TFPI: variants seen among roughly 807,000 people sequenced by gnomAD.
The protein encoded by TFPI is tissue factor pathway inhibitor, also known as anti-convertin.
TFPI carries 15 observed loss-of-function variants against 34.6 expected under a neutral mutation model. The observed-to-expected ratio is 0.43, with a 90% CI of 0.29 to 0.67. The LOEUF is 0.67. Ranked by LOEUF, TFPI falls within the 30% of genes least tolerant of loss-of-function variation. The pLI is 0.15. For synonymous variants in TFPI, 105 were observed against 120.1 expected (o/e 0.87, Z 0.82); for missense variants, 301 against 364.0 (o/e 0.83, Z 1.41).
chr2:187,510,879 T>C (rs1340528231), intron 1 of TFPI, among the ~76,000 whole-genome samples: 1 of 152,228 alleles, frequency 6.6e-6, no homozygotes, highest in East Asian at 1.9e-4. Flanking sequence ...TGCTGAAATT[T>C]CCAGCTGAAT....
intron 2 of TFPI, among the ~76,000 whole-genome samples, chr2:187,503,120 G>C (rs1685960060): frequency 6.6e-6 from 1 of 151,922 alleles, no homozygotes; most frequent in South Asian, 2.1e-4. Flanking sequence ...TTTAGACACA[G>C]AGTTTTATGG....
rs1372388590 is a variant in TFPI at position 187,495,761 on chromosome 2, A to T, written c.319+1120T>A. 2.0e-5 allele frequency among the ~76,000 whole-genome samples: 3 copies of T among 152,142 alleles called. No individual in the cohort carries two copies. The East Asian group carries it at 5.8e-4, about 29-fold the overall frequency. On this transcript the variant is annotated intron_variant, in intron 3 of 7. Transcript: ENST00000233156. ...TGCAGAGCTGCCTGATTTGCAAAAA[A>T]CAAGACATCTAGTGTTACTAACCAG...
intron 1 of TFPI, among the ~76,000 whole-genome samples, chr2:187,530,130 C>T (rs567099908): frequency 1.2e-3 from 188 of 152,272 alleles, no homozygotes; most frequent in African/African-American, 4.2e-3. Context: ...TCCTCACCTT[C>T]GAATTCCTTC....
chr2:187,471,119 G>A (rs1182461642), intron 6 of TFPI, among the ~76,000 whole-genome samples: 1 of 152,134 alleles, frequency 6.6e-6, no homozygotes, highest in Non-Finnish European at 1.5e-5. Flanking sequence ...TTTTAAAGAT[G>A]CAATAAATTA....
Position 187,503,665 on chromosome 2 carries a change from T to C in TFPI, c.104A>G (p.Glu35Gly). ...PLNADSEEDE[E>G]HTIITDTELP... is the part of the protein sequence containing the mutation. The stretch of plus-strand genomic sequence containing the variant: ...TATTTTACCTGTGATAATTGTGTGT[T>C]CTTCATCTTCCTCAGAATCAGCATT... The change falls in exon 2 of 8, where the codon GAA becomes GGA. Residue 35 changes from glutamate to glycine, a missense_variant. Physicochemically the swap from Glu to Gly is moderately conservative, Grantham distance 98 (BLOSUM62 -2). Transcript: ENST00000233156. The C allele has an allele frequency of 6.2e-7, 1 of 1,612,882 alleles. No individual in the cohort carries two copies. Among genetic ancestry groups the C allele is most frequent in the Non-Finnish European group, 8.5e-7 (1 of 1,179,186 alleles).
Position 187,467,950 on chromosome 2 carries a change from A to G in TFPI, c.629-18T>C. On this transcript the variant is annotated intron_variant, in intron 6 of 7. Transcript: ENST00000233156. ...GTGAAATTCTAAAAACAATCAGGAA[A>G]ACATGGTAAGCCATATGTGATAGTG... 1.3e-6 allele frequency: 2 copies of G among 1,557,246 alleles called. No homozygotes were observed. Among genetic ancestry groups the G allele is most frequent in the Non-Finnish European group, 1.7e-6 (2 of 1,153,866 alleles).
intron 5 of TFPI, 193 bp from the exon 6 acceptor site, chr2:187,484,409 CA>C: frequency 1.8e-6 from 1 of 561,122 alleles, no homozygotes; most frequent in South Asian, 2.6e-5. Flanking sequence ...AGTTCTTGGT[CA>C]AAAAAGCGTA....
chr2:187,505,178 C>A (rs1686122658), intron 1 of TFPI, among the ~76,000 whole-genome samples: 1 of 152,006 alleles, frequency 6.6e-6, no homozygotes, highest in South Asian at 2.1e-4. Flanking sequence ...AATATACTAT[C>A]CTGCTATACT....
intron 6 of TFPI, among the ~76,000 whole-genome samples, chr2:187,483,685 A>G (rs1693045195): frequency 2.0e-5 from 3 of 151,994 alleles, no homozygotes; most frequent in East Asian, 3.8e-4. Context: ...ATGGTTATTC[A>G]ATCAATTTCT....
chr2:187,469,596 G>T (rs572703068), intron 6 of TFPI, among the ~76,000 whole-genome samples: 24 of 152,160 alleles, frequency 1.6e-4, no homozygotes, highest in Middle Eastern at 3.4e-3. Flanking sequence ...TTACATTTTT[G>T]TGTGTGTGAC....
intron 1 of TFPI, among the ~76,000 whole-genome samples, chr2:187,537,197 G>C (rs1688308324): frequency 6.6e-6 from 1 of 152,132 alleles, no homozygotes; most frequent in African/African-American, 2.4e-5. Flanking sequence ...TCCCCATCAA[G>C]CTACCATTTA....
chr2:187,535,207 G>A (rs1688185357), intron 1 of TFPI, among the ~76,000 whole-genome samples: 1 of 152,126 alleles, frequency 6.6e-6, no homozygotes, highest in Admixed American at 6.5e-5. Flanking sequence ...AGGATATCCA[G>A]GAGCTGAACT....
rs1691718454 is a variant in TFPI at position 187,466,320 on chromosome 2, G to A, written c.*616C>T. On this transcript the variant is annotated 3_prime_UTR_variant, in exon 8 of 8. Transcript: ENST00000233156. ...AAAAAAGTGAAACCAATCCAAATCA[G>A]GCAGGCACATGATGCAGAGTTGACT... 1.3e-5 allele frequency: 2 copies of A among 151,982 alleles called. No homozygotes were observed. Among genetic ancestry groups the A allele is most frequent in the Non-Finnish European group, 2.9e-5 (2 of 68,008 alleles). 9.4% of individuals were successfully genotyped at this position (151,982 alleles called of 1,614,324 possible).
At chr2:187,521,185 G>T (rs1012223516) in intron 1 of TFPI, among the ~76,000 whole-genome samples, 1 of 151,992 alleles carries the variant, frequency 6.6e-6, no homozygotes, top group African/African-American at 2.4e-5. Context: ...ATCTGTAAAG[G>T]TATACTATCT....
intron 1 of TFPI, among the ~76,000 whole-genome samples, chr2:187,509,632 C>T (rs1356958110): frequency 6.6e-6 from 1 of 152,162 alleles, no homozygotes. Flanking sequence ...TCTGTGGGAT[C>T]AGTGGTGATA....
intron 1 of TFPI, among the ~76,000 whole-genome samples, chr2:187,509,433 T>G (rs1244689313): frequency 2.6e-5 from 4 of 152,138 alleles, no homozygotes; most frequent in Non-Finnish European, 5.9e-5. Flanking sequence ...GATCCTGGGC[T>G]TTTTTTGGTT....
chr2:187,541,034 T>C (rs1472151388), intron 1 of TFPI, among the ~76,000 whole-genome samples: 2 of 151,978 alleles, frequency 1.3e-5, no homozygotes, highest in Non-Finnish European at 1.5e-5. Flanking sequence ...ACAAGCAATA[T>C]ATTATGTAAA....
chr2:187,468,400 G>C (rs113663088), intron 6 of TFPI, among the ~76,000 whole-genome samples: 75 of 152,168 alleles, frequency 4.9e-4, no homozygotes, highest in Non-Finnish European at 8.4e-4. Context: ...CTGAAGCTGA[G>C]GAAGAGTTAC....
intron 2 of TFPI, among the ~76,000 whole-genome samples, chr2:187,502,948 A>G (rs1685950451): frequency 6.6e-6 from 1 of 152,198 alleles, no homozygotes; most frequent in South Asian, 2.1e-4. Context: ...AAAATAAGCT[A>G]TCATTTTGTT....
Sources: allele counts gnomAD v4.1 joint callset (sites outside exome capture counted in the v4.1 genomes callset), GRCh38; gene constraint gnomAD v4.1.1; transcripts MANE v1.5; gene names NCBI Gene and HGNC (gene_info 2026-07-23, HGNC 2026-07-21).